Variants in AKAP19 observed in about 807,000 individuals in gnomAD.
AKAP19 encodes A-kinase anchoring protein 19.
chr2:190,179,411 A>G, the AKAP19 span, among the ~76,000 whole-genome samples: 1 of 151,858 alleles, frequency 6.6e-6, no homozygotes, highest in African/African-American at 2.4e-5. The surrounding 1 kb of genome is among the most constrained non-coding windows in gnomAD (Gnocchi z 6.0). Flanking sequence ...CCATCTCAAA[A>G]AAAAGAAAAA....
chr2:190,080,233 A>G, the AKAP19 span, among the ~76,000 whole-genome samples: 2 of 152,218 alleles, frequency 1.3e-5, no homozygotes, highest in African/African-American at 4.8e-5. Flanking sequence ...AAATCGCAAG[A>G]CTGTTTTACA....
At chr2:189,994,137 A>G in the AKAP19 span, among the ~76,000 whole-genome samples, 1 of 151,224 alleles carries the variant, frequency 6.6e-6, no homozygotes, top group East Asian at 1.9e-4. Flanking sequence ...CAGCCTCCCA[A>G]GTAGCTGTGA....
chr2:190,057,605 G>A, the AKAP19 span: 1 of 1,613,286 alleles, frequency 6.2e-7, no homozygotes, highest in East Asian at 2.2e-5. Flanking sequence ...GATCTTTTTG[G>A]TGTGTCTGTT....
the AKAP19 span, among the ~76,000 whole-genome samples, chr2:189,890,868 C>T: frequency 5.3e-5 from 8 of 152,138 alleles, no homozygotes; most frequent in Non-Finnish European, 1.2e-4. Flanking sequence ...TTGACTCTAT[C>T]CAATTTGCCA....
chr2:189,969,804 A>T, the AKAP19 span, among the ~76,000 whole-genome samples: 1 of 146,576 alleles, frequency 6.8e-6, no homozygotes, highest in African/African-American at 2.5e-5. Flanking sequence ...TTTTAGAATT[A>T]TAGGTCCTTC....
chr2:190,101,629 A>C, the AKAP19 span, among the ~76,000 whole-genome samples: 1 of 152,102 alleles, frequency 6.6e-6, no homozygotes, highest in Non-Finnish European at 1.5e-5. Context: ...AGACTTAACT[A>C]TTCTAAATAT....
chr2:189,911,008 A>T, the AKAP19 span, among the ~76,000 whole-genome samples: 42 of 152,048 alleles, frequency 2.8e-4, no homozygotes, highest in Non-Finnish European at 5.6e-4. Flanking sequence ...ATTTCTTTCT[A>T]TGGATTTACA....
chr2:189,971,297 T>G, the AKAP19 span, among the ~76,000 whole-genome samples: 3 of 152,230 alleles, frequency 2.0e-5, no homozygotes, highest in Non-Finnish European at 2.9e-5. Context: ...TCCATGTCCC[T>G]ACAAAGTACA....
chr2:190,128,896 T>C, the AKAP19 span, among the ~76,000 whole-genome samples: 1 of 152,244 alleles, frequency 6.6e-6, no homozygotes. Flanking sequence ...TTGATTATCA[T>C]AGAAGACTAT....
chr2:190,034,348 T>A, the AKAP19 span, among the ~76,000 whole-genome samples: 2 of 151,706 alleles, frequency 1.3e-5, no homozygotes, highest in African/African-American at 4.8e-5. Context: ...ATAATTTTTT[T>A]AATCAATGAT....
chr2:190,062,180 AAC>A, the AKAP19 span: 1 of 1,606,546 alleles, frequency 6.2e-7, no homozygotes, highest in Non-Finnish European at 8.5e-7. Context: ...ACACTAGAAC[AAC>A]AGTCAGCAGA....
At chr2:190,047,248 C>A in the AKAP19 span, among the ~76,000 whole-genome samples, 1 of 152,174 alleles carries the variant, frequency 6.6e-6, no homozygotes, top group African/African-American at 2.4e-5. Context: ...TGCCTGCATT[C>A]ATGTGTGTGT....
the AKAP19 span, among the ~76,000 whole-genome samples, chr2:190,163,382 C>T: frequency 6.0e-5 from 9 of 150,922 alleles, no homozygotes; most frequent in Middle Eastern, 3.4e-3. Flanking sequence ...TGCAGTGAGC[C>T]GAGATCGCGC....
At chr2:189,921,334 A>G in the AKAP19 span, among the ~76,000 whole-genome samples, 1 of 152,208 alleles carries the variant, frequency 6.6e-6, no homozygotes, top group African/African-American at 2.4e-5. Flanking sequence ...TTTCAGAAAG[A>G]ATAAAATGGT....
chr2:189,929,082 C>G, the AKAP19 span, among the ~76,000 whole-genome samples: 1 of 152,162 alleles, frequency 6.6e-6, no homozygotes, highest in Non-Finnish European at 1.5e-5. Flanking sequence ...GAGATCACAA[C>G]TATGAAGTCA....
chr2:190,025,279 T>C, the AKAP19 span, among the ~76,000 whole-genome samples: 1 of 152,182 alleles, frequency 6.6e-6, no homozygotes, highest in African/African-American at 2.4e-5. Context: ...GTTTCAAAAA[T>C]TTTTAGCAGA....
chr2:189,881,547 T>C, the AKAP19 span, among the ~76,000 whole-genome samples: 1 of 152,182 alleles, frequency 6.6e-6, no homozygotes, highest in African/African-American at 2.4e-5. Context: ...CTGAAGTCCA[T>C]AGATCTGTAG....
the AKAP19 span, among the ~76,000 whole-genome samples, chr2:189,893,225 A>G: frequency 6.6e-6 from 1 of 152,144 alleles, no homozygotes; most frequent in Non-Finnish European, 1.5e-5. Context: ...CGGAGGAGTG[A>G]ACAGTTCTGT....
the AKAP19 span, among the ~76,000 whole-genome samples, chr2:189,889,841 A>G: frequency 6.6e-6 from 1 of 152,018 alleles, no homozygotes. Context: ...TAGTCTGGCT[A>G]GTGGTCTATT....
Sources: gnomAD v4.1 joint callset for allele counts (sites outside exome capture counted in the v4.1 genomes callset) on GRCh38, gnomAD v4.1.1 for gene constraint, Gnocchi (gnomAD v3.1) non-coding constraint, MANE v1.5 for transcripts, NCBI Gene and HGNC (gene_info 2026-07-23, HGNC 2026-07-21) for gene names.